Variants in TRIM22 observed in about 807,000 individuals in gnomAD.
TRIM22 encodes the protein E3 ubiquitin-protein ligase TRIM22.
A neutral mutation model predicts 53.6 loss-of-function variants in TRIM22; 45 were observed. The observed-to-expected ratio is 0.84, with a 90% CI of 0.66 to 1.08. The LOEUF is 1.08. Among genes scored for constraint, TRIM22 ranks in the 50% least tolerant of loss-of-function variants. TRIM22 has a pLI of 0.00. For missense variants in TRIM22, 616 were observed against 590.9 expected (o/e 1.04, Z -0.44); for synonymous variants, 225 against 216.6 (o/e 1.04, Z -0.34).
chr11:5,707,736 T>A (rs113444497), intron 5 of TRIM22, among the ~76,000 whole-genome samples: 1 of 152,036 alleles, frequency 6.6e-6, no homozygotes, highest in African/African-American at 2.4e-5. Flanking sequence ...GGCTTGAACC[T>A]GGGAGGCAGA....
intron 4 of TRIM22, 109 bp downstream of exon 4, chr11:5,698,654 T>C (rs1853314189): frequency 1.1e-6 from 1 of 906,764 alleles, no homozygotes; most frequent in South Asian, 1.7e-5. Context: ...TGACATGAAA[T>C]GGTTCCTTTG....
Position 5,694,786 on chromosome 11 carries a change from G to A in TRIM22, c.-66-1381G>A, listed in dbSNP as rs78782717. Reference sequence around the variant, plus strand: ...GATAAAATTATTTTCCTATTATGGTGTTGGTGGTGGTGGTGTGTGGGTGTG... The same window carrying A: ...GATAAAATTATTTTCCTATTATGGTATTGGTGGTGGTGGTGTGTGGGTGTG... On this transcript the variant is annotated intron_variant, in intron 1 of 7. Coordinates refer to ENST00000379965, the MANE Select transcript of TRIM22 (RefSeq NM_006074.5). 5.6e-4 allele frequency among the ~76,000 whole-genome samples: 85 copies of A among 152,236 alleles called. No homozygotes were observed. The East Asian group carries it at 0.015, about 28-fold the overall frequency.
chr11:5,708,429 A>G, intron 6 of TRIM22, 148 bp from the exon 7 acceptor site: 1 of 970,476 alleles, frequency 1.0e-6, no homozygotes, highest in Non-Finnish European at 1.5e-6. Context: ...TCTTAGGGGG[A>G]ATGACCAGGT....
rs1262099444 is a variant in TRIM22 at position 5,709,392 on chromosome 11, A to T, written c.1241A>T (p.Asn414Ile). 1.2e-6 allele frequency: 2 copies of T among 1,614,208 alleles called. No individual in the cohort carries two copies. Among genetic ancestry groups the T allele is most frequent in the Admixed American group, 3.3e-5 (2 of 60,024 alleles). ...QYGYWVIGLQ[N>I]TCEYNAFEDS... is the part of the protein sequence containing the mutation. ...GGCTACTGGGTTATAGGATTACAGA[A>T]TACATGTGAATATAATGCTTTTGAG... Residue 414 changes from asparagine to isoleucine, a missense_variant, in exon 8 of 8, where the codon AAT becomes ATT. By Grantham distance (149) the Asn-to-Ile change is moderately radical. Coordinates refer to ENST00000379965, the MANE Select transcript of TRIM22 (RefSeq NM_006074.5).
chr11:5,700,781 A>G, intron 4 of TRIM22, among the ~76,000 whole-genome samples: 1 of 150,866 alleles, frequency 6.6e-6, no homozygotes, highest in East Asian at 2.0e-4. Flanking sequence ...CCACCACCAC[A>G]TCCAGCTAAT....
intron 5 of TRIM22, 40 bp from the exon 6 acceptor site, chr11:5,708,132 AG>A: frequency 6.7e-7 from 1 of 1,482,042 alleles, no homozygotes; most frequent in Non-Finnish European, 9.4e-7. Context: ...GGAGAGAAAT[AG>A]GGCAAAGGTG....
In TRIM22 at chr11:5,709,727, C is replaced by G. The variant is rs577881889; in HGVS notation, c.*79C>G. 1 of 1,186,378 alleles carries G rather than the reference C, an allele frequency of 8.4e-7. No homozygotes were observed. Among genetic ancestry groups the G allele is most frequent in the Admixed American group, 2.2e-5 (1 of 46,120 alleles). 73.5% of individuals were successfully genotyped at this position (1,186,378 alleles called of 1,614,324 possible). On this transcript the variant is annotated 3_prime_UTR_variant, in exon 8 of 8. Coordinates refer to ENST00000379965, the MANE Select transcript of TRIM22 (RefSeq NM_006074.5). ...GATTCTGCACCTGAGTTCATCTCTA[C>G]TGAGACCATCTCTTCCTTTCTTTCC...
chr11:5,697,087 A>G (rs1057402913), intron 2 of TRIM22, 161 bp from the exon 3 acceptor site: 1 of 583,640 alleles, frequency 1.7e-6, no homozygotes, highest in East Asian at 2.8e-5. Context: ...GAATACATTC[A>G]TCTCCTCAGA....
At chr11:5,691,747 A>G (rs897013745) in intron 1 of TRIM22, among the ~76,000 whole-genome samples, 3 of 152,184 alleles carry the variant, frequency 2.0e-5, no homozygotes, top group Admixed American at 2.0e-4. Context: ...ATTTCTCCTG[A>G]GTCTTATCTC....
At chr11:5,695,336 G>C (rs569284172) in intron 1 of TRIM22, among the ~76,000 whole-genome samples, 1 of 151,978 alleles carries the variant, frequency 6.6e-6, no homozygotes, top group Non-Finnish European at 1.5e-5. Flanking sequence ...GCAGAGAGAG[G>C]AGCAAGTGCA....
At position 5,696,573 on chromosome 11, in the gene TRIM22, T is replaced by A. The variant is rs1853265703; in HGVS notation, c.341T>A (p.Val114Asp). 6.2e-7 allele frequency: 1 copy of A among 1,614,150 alleles called. No individual in the cohort carries two copies. Among genetic ancestry groups the A allele is most frequent in the Non-Finnish European group, 8.5e-7 (1 of 1,180,048 alleles). Residue 114 changes from valine (V) to aspartate (D), a missense_variant, in exon 2 of 8, where the codon GTC (valine) becomes GAC (aspartate). Val to Asp is a radical substitution (Grantham distance 152, BLOSUM62 -3). Coordinates refer to ENST00000379965, the MANE Select transcript of TRIM22 (RefSeq NM_006074.5). ...LQIFCKEDGK[V>D]ICWVCELSQE... ...ATCTTCTGTAAGGAGGATGGAAAAG[T>A]CATTTGCTGGGTTTGTGAACTGTCT...
Position 5,709,422 on chromosome 11 carries a change from C to A in TRIM22, c.1271C>A (p.Ser424Tyr), listed in dbSNP as rs1853520724. The A allele has an allele frequency of 3.1e-6, 5 of 1,614,118 alleles. No individual in the cohort carries two copies. The highest frequency in any genetic ancestry group is 4.2e-6 in the Non-Finnish European group (5 of 1,180,000). ...TGTGAATATAATGCTTTTGAGGACT[C>A]CTCCTCTTCTGATCCCAAGGTTTTG... Reference protein sequence around the residue: ...NTCEYNAFEDSSSSDPKVLTL... With the variant: ...NTCEYNAFEDYSSSDPKVLTL... Residue 424 changes from serine to tyrosine, a missense_variant, in exon 8 of 8, where the codon TCC becomes TAC. By Grantham distance (144) the Ser-to-Tyr change is moderately radical. Transcript: ENST00000379965.
At chr11:5,690,446 G>A (rs1853154669) in intron 1 of TRIM22, among the ~76,000 whole-genome samples, 1 of 152,148 alleles carries the variant, frequency 6.6e-6, no homozygotes, top group African/African-American at 2.4e-5. Flanking sequence ...GCACGTGAGG[G>A]AGAGAGGGGA....
chr11:5,693,227 TAAAG>T (rs1463930722), intron 1 of TRIM22, among the ~76,000 whole-genome samples: 3 of 133,640 alleles, frequency 2.2e-5, no homozygotes, highest in East Asian at 2.2e-4. Context: ...ATTGCACAGA[TAAAG>T]AAAGCTTCTG....
At chr11:5,698,264 C>T in intron 3 of TRIM22, 51 bp from the exon 4 acceptor site, 7 of 1,469,534 alleles carry the variant, frequency 4.8e-6, no homozygotes, top group Non-Finnish European at 6.7e-6. Context: ...TCATACAAAG[C>T]AGGCCTTCAA....
chr11:5,693,394 T>C (rs1853206301), intron 1 of TRIM22, among the ~76,000 whole-genome samples: 1 of 151,618 alleles, frequency 6.6e-6, no homozygotes, highest in Admixed American at 6.6e-5. Flanking sequence ...TCGGAAGGGT[T>C]TCAATGGGGC....
chr11:5,690,348 T>C (rs185174685), intron 1 of TRIM22, among the ~76,000 whole-genome samples: 1 of 152,318 alleles, frequency 6.6e-6, no homozygotes, highest in East Asian at 1.9e-4. Flanking sequence ...TCCTACCCCT[T>C]TGCCCTTTCC....
intron 3 of TRIM22, chr11:5,697,796 C>T (rs1853293979): frequency 1.2e-5 from 2 of 167,750 alleles, no homozygotes; most frequent in South Asian, 1.5e-4. Context: ...CTCTGCCTCC[C>T]TGGTTCAAAC....
At chr11:5,701,207 T>C (rs1388117462) in intron 4 of TRIM22, among the ~76,000 whole-genome samples, 1 of 152,202 alleles carries the variant, frequency 6.6e-6, no homozygotes, top group Non-Finnish European at 1.5e-5. Context: ...AGGGTAATGC[T>C]GACCTCATAG....
Sources: allele counts gnomAD v4.1 joint callset (sites outside exome capture counted in the v4.1 genomes callset), GRCh38; gene constraint gnomAD v4.1.1; transcripts MANE v1.5; gene names NCBI Gene and HGNC (gene_info 2026-07-23, HGNC 2026-07-21).